Variants in TIMP3 observed in about 807,000 individuals in gnomAD.
The protein encoded by TIMP3 is TIMP metallopeptidase inhibitor 3.
Under a neutral mutation model 30.0 loss-of-function variants are expected in TIMP3, and 11 were observed. That is an observed-to-expected ratio of 0.37 (90% confidence interval 0.23 to 0.61). The LOEUF (loss-of-function observed/expected upper bound fraction) is 0.61, where lower values mean the gene tolerates loss of function less well. TIMP3 is among the 20% of genes least tolerant of loss of function. TIMP3 has a pLI of 0.70. For synonymous variants in TIMP3, 112 were observed against 111.3 expected, an observed-to-expected ratio of 1.01 and a Z score of -0.04; for missense variants, 181 against 276.8, an observed-to-expected ratio of 0.65 and a Z score of 2.45.
chr22:32,819,500 AAT>A (rs2047177683), intron 1 of TIMP3, among the ~76,000 whole-genome samples: 1 of 152,224 alleles, frequency 6.6e-6, no homozygotes, highest in African/African-American at 2.4e-5. Context: ...AGGTCCCATT[AAT>A]ACATATGCTA....
At chr22:32,803,236 A>G (rs145690638) in intron 1 of TIMP3, among the ~76,000 whole-genome samples, 4 of 152,064 alleles carry the variant, frequency 2.6e-5, no homozygotes, top group Admixed American at 2.0e-4. Context: ...AGAGGTGAAG[A>G]ATGGAGCGTG....
At chr22:32,835,039 C>G (rs1038172650) in intron 1 of TIMP3, among the ~76,000 whole-genome samples, 1 of 152,220 alleles carries the variant, frequency 6.6e-6, no homozygotes, top group African/African-American at 2.4e-5. Flanking sequence ...CTTGTTTGTG[C>G]TGTTTCCATT....
chr22:32,828,464 T>C (rs1181701433), intron 1 of TIMP3, among the ~76,000 whole-genome samples: 1 of 152,194 alleles, frequency 6.6e-6, no homozygotes, highest in Non-Finnish European at 1.5e-5. Flanking sequence ...CCTGGCTGGG[T>C]GCTGTGCACC....
At chr22:32,848,223 C>T (rs2048123890) in intron 1 of TIMP3, among the ~76,000 whole-genome samples, 1 of 152,222 alleles carries the variant, frequency 6.6e-6, no homozygotes, top group Non-Finnish European at 1.5e-5. Flanking sequence ...TCTTTCAGCC[C>T]TCAACCCACT....
Position 32,801,803 on chromosome 22 carries a change from TCCTGCGCCAG to T in TIMP3, c.-197_-188del. 6.2e-6 allele frequency: 3 copies of T among 483,096 alleles called. No homozygotes were observed. Among genetic ancestry groups the T allele is most frequent in the Non-Finnish European group, 8.9e-6 (3 of 335,910 alleles). The allele number at this position is 483,096 out of a possible 1,614,324, so 29.9% of individuals were successfully genotyped here. On this transcript the variant is annotated 5_prime_UTR_variant, in exon 1 of 5. Coordinates refer to ENST00000266085, the MANE Select transcript of TIMP3 (RefSeq NM_000362.5). The surrounding 1 kb of genome is among the most constrained non-coding windows in gnomAD (Gnocchi z 4.7). ...CTTCGCCGGGAGGCCGCCCGCCGAG[TCCTGCGCCAG>T]CGCCGAGGCAGCCTCGCTGCGCCCC... is the stretch of plus-strand genomic sequence containing the variant.
At chr22:32,818,911 C>T (rs1311846256) in intron 1 of TIMP3, among the ~76,000 whole-genome samples, 1 of 152,198 alleles carries the variant, frequency 6.6e-6, no homozygotes, top group Non-Finnish European at 1.5e-5. Context: ...TTCAAGCCAG[C>T]CAGCGGGGTC....
intron 1 of TIMP3, among the ~76,000 whole-genome samples, chr22:32,817,965 A>T (rs2047131896): frequency 6.6e-6 from 1 of 152,156 alleles, no homozygotes; most frequent in Non-Finnish European, 1.5e-5. Flanking sequence ...TACCGATAGG[A>T]GCACCTTTGG....
chr22:32,846,325 G>A (rs1440725257), intron 1 of TIMP3, among the ~76,000 whole-genome samples: 1 of 152,192 alleles, frequency 6.6e-6, no homozygotes, highest in East Asian at 1.9e-4. Context: ...AGTTCTGTAA[G>A]GCTAGAATAT....
At chr22:32,825,237 G>T (rs1312113753) in intron 1 of TIMP3, among the ~76,000 whole-genome samples, 1 of 152,180 alleles carries the variant, frequency 6.6e-6, no homozygotes, top group African/African-American at 2.4e-5. Flanking sequence ...GTAGAGGTCT[G>T]CAGGGTGGCC....
intron 1 of TIMP3, among the ~76,000 whole-genome samples, chr22:32,847,374 C>G (rs1338707187): frequency 1.3e-5 from 2 of 152,194 alleles, no homozygotes; most frequent in Non-Finnish European, 2.9e-5. Flanking sequence ...GTTTTTACAG[C>G]AGACTTGGAA....
At chr22:32,805,473 G>C (rs1256358378) in intron 1 of TIMP3, among the ~76,000 whole-genome samples, 1 of 152,216 alleles carries the variant, frequency 6.6e-6, no homozygotes, top group East Asian at 1.9e-4. Flanking sequence ...AGAGGCGCCA[G>C]CACTTGGTAG....
chr22:32,848,509 T>C (rs1450968852), intron 1 of TIMP3, among the ~76,000 whole-genome samples: 2 of 152,182 alleles, frequency 1.3e-5, no homozygotes, highest in Non-Finnish European at 2.9e-5. Flanking sequence ...GAAATGTACA[T>C]GGCACATAGT....
At chr22:32,844,712 CTTT>C (rs1376474600) in intron 1 of TIMP3, among the ~76,000 whole-genome samples, 1 of 143,814 alleles carries the variant, frequency 7.0e-6, no homozygotes, top group African/African-American at 2.5e-5. Context: ...CTTCTTCTTC[CTTT>C]TTTTTTTTTG....
At chr22:32,808,863 G>T (rs1047582741) in intron 1 of TIMP3, among the ~76,000 whole-genome samples, 13 of 152,234 alleles carry the variant, frequency 8.5e-5, no homozygotes, top group Admixed American at 2.6e-4. Context: ...TCATTCCTGC[G>T]CTGGGAGAAA....
At chr22:32,844,525 A>G (rs2048006443) in intron 1 of TIMP3, among the ~76,000 whole-genome samples, 1 of 152,208 alleles carries the variant, frequency 6.6e-6, no homozygotes, top group Non-Finnish European at 1.5e-5. Context: ...AGACAGTTCA[A>G]TAGAGATATA....
At chr22:32,847,601 GA>G (rs1164203543) in intron 1 of TIMP3, among the ~76,000 whole-genome samples, 1 of 152,134 alleles carries the variant, frequency 6.6e-6, no homozygotes, top group Non-Finnish European at 1.5e-5. Flanking sequence ...TCTTAGTAAA[GA>G]TTTTTTAAAA....
At chr22:32,802,950 T>A (rs569534944) in intron 1 of TIMP3, among the ~76,000 whole-genome samples, 1 of 152,208 alleles carries the variant, frequency 6.6e-6, no homozygotes, top group South Asian at 2.1e-4. Flanking sequence ...CTGGACTTAG[T>A]GTCTTGAGTA....
At chr22:32,848,984 A>C (rs931222323) in intron 1 of TIMP3, among the ~76,000 whole-genome samples, 1 of 152,164 alleles carries the variant, frequency 6.6e-6, no homozygotes, top group African/African-American at 2.4e-5. Flanking sequence ...TAGACATGTC[A>C]AGATGTGGTG....
chr22:32,846,505 GACTACAT>G (rs1400880314), intron 1 of TIMP3, among the ~76,000 whole-genome samples: 4 of 152,194 alleles, frequency 2.6e-5, no homozygotes, highest in African/African-American at 9.7e-5. Flanking sequence ...GTTTGGGATG[GACTACAT>G]ACTGTTCTCA....
Sources: allele counts gnomAD v4.1 joint callset (sites outside exome capture counted in the v4.1 genomes callset), GRCh38; gene constraint gnomAD v4.1.1; non-coding constraint Gnocchi (gnomAD v3.1); transcripts MANE v1.5; gene names NCBI Gene and HGNC (gene_info 2026-07-23, HGNC 2026-07-21).